SCHIP1: variants seen among roughly 807,000 people sequenced by gnomAD.
SCHIP1 encodes the protein schwannomin-interacting protein 1.
A neutral mutation model predicts 29.7 loss-of-function variants in SCHIP1; 8 were observed. The observed-to-expected ratio is 0.27, with a 90% CI of 0.16 to 0.49. The LOEUF (loss-of-function observed/expected upper bound fraction) is 0.49. Among genes scored for constraint, SCHIP1 ranks in the 20% least tolerant of loss-of-function variants. The pLI is 0.99. For synonymous variants in SCHIP1, 76 were observed against 94.9 expected (o/e 0.80, Z 1.16); for missense variants, 193 against 294.6 (o/e 0.66, Z 2.52).
At chr3:159,637,912 G>A in the SCHIP1 span, among the ~76,000 whole-genome samples, 1 of 152,152 alleles carries the variant, frequency 6.6e-6, no homozygotes, top group Non-Finnish European at 1.5e-5. Flanking sequence ...AATTAAGACT[G>A]AAATGTGCTA....
chr3:159,500,251 C>T, the SCHIP1 span, among the ~76,000 whole-genome samples: 1 of 152,008 alleles, frequency 6.6e-6, no homozygotes, highest in South Asian at 2.1e-4. Context: ...ACACTGTTTT[C>T]CCCTGAATAC....
chr3:159,569,206 T>C, the SCHIP1 span, among the ~76,000 whole-genome samples: 2 of 152,124 alleles, frequency 1.3e-5, no homozygotes, highest in African/African-American at 2.4e-5. Flanking sequence ...CTAGGGTACA[T>C]GTGCACAATG....
At chr3:159,336,781 C>T in the SCHIP1 span, among the ~76,000 whole-genome samples, 162 of 152,256 alleles carry the variant, frequency 1.1e-3, no homozygotes, top group Non-Finnish European at 1.8e-3. Flanking sequence ...TAATGTGATG[C>T]CTCCAGCTTT....
At chr3:159,772,486 T>C in the SCHIP1 span, among the ~76,000 whole-genome samples, 1 of 152,164 alleles carries the variant, frequency 6.6e-6, no homozygotes. Context: ...TTCTTATGGG[T>C]ATGTCTCTTA....
At chr3:159,775,664 G>A in the SCHIP1 span, among the ~76,000 whole-genome samples, 1 of 152,170 alleles carries the variant, frequency 6.6e-6, no homozygotes, top group Admixed American at 6.5e-5. Context: ...GAGAGATGAG[G>A]GCAGGCACTC....
At chr3:159,876,283 G>C (rs1715798247) in intron 2 of SCHIP1, among the ~76,000 whole-genome samples, 1 of 152,134 alleles carries the variant, frequency 6.6e-6, no homozygotes, top group South Asian at 2.1e-4. Context: ...ACATGTTTCG[G>C]GTCTGTTCAC....
chr3:159,853,370 G>A (rs1418082964), intron 1 of SCHIP1: 1 of 688,600 alleles, frequency 1.5e-6, no homozygotes, highest in South Asian at 1.5e-5. Flanking sequence ...AAATTCTAAA[G>A]AGTTAAAGGA....
chr3:159,277,841 C>G, the SCHIP1 span, among the ~76,000 whole-genome samples: 2 of 151,726 alleles, frequency 1.3e-5, no homozygotes, highest in African/African-American at 4.8e-5. Flanking sequence ...CTTGAACCCA[C>G]TGGGTGGAGG....
the SCHIP1 span, among the ~76,000 whole-genome samples, chr3:159,770,662 A>G: frequency 3.3e-5 from 5 of 152,332 alleles, no homozygotes; most frequent in East Asian, 7.7e-4. Flanking sequence ...CCTGTCTTCC[A>G]AGGAAGTACT....
the SCHIP1 span, among the ~76,000 whole-genome samples, chr3:159,683,223 A>G: frequency 0.031 from 4,656 of 151,910 alleles, 112 homozygotes; most frequent in African/African-American, 0.058. Context: ...ACTCATTTTT[A>G]TATTTTTTAG....
chr3:159,277,034 C>A, the SCHIP1 span, among the ~76,000 whole-genome samples: 2 of 152,144 alleles, frequency 1.3e-5, no homozygotes, highest in African/African-American at 4.8e-5. Flanking sequence ...ATTAATAAGA[C>A]CCATCTTGAT....
the SCHIP1 span, among the ~76,000 whole-genome samples, chr3:159,515,372 A>C: frequency 6.6e-6 from 1 of 152,132 alleles, no homozygotes; most frequent in Non-Finnish European, 1.5e-5. Context: ...TAAAGGAAGA[A>C]AGGAGTCATG....
chr3:159,553,812 G>GT, the SCHIP1 span, among the ~76,000 whole-genome samples: 2,326 of 151,824 alleles, frequency 0.015, 101 homozygotes, highest in East Asian at 0.17. Context: ...TTGGTTTTTT[G>GT]TTTTTTGAGA....
the SCHIP1 span, among the ~76,000 whole-genome samples, chr3:159,779,790 A>G: frequency 4.9e-4 from 75 of 152,182 alleles, no homozygotes; most frequent in African/African-American, 1.8e-3. Context: ...TGTGTTCAAT[A>G]TATTGTGGAT....
At chr3:159,743,910 T>C in the SCHIP1 span, among the ~76,000 whole-genome samples, 27 of 152,296 alleles carry the variant, frequency 1.8e-4, no homozygotes, top group African/African-American at 6.5e-4. Context: ...AAAAGTTTAA[T>C]TTAAAAAATA....
the SCHIP1 span, among the ~76,000 whole-genome samples, chr3:159,413,979 C>T: frequency 8.4e-3 from 1,279 of 152,306 alleles, 22 homozygotes; most frequent in African/African-American, 0.029. Context: ...CCAGTGGCCT[C>T]CTCTGAAAGC....
chr3:159,819,818 C>T, the SCHIP1 span, among the ~76,000 whole-genome samples: 2 of 152,214 alleles, frequency 1.3e-5, no homozygotes, highest in Non-Finnish European at 2.9e-5. Flanking sequence ...TAAGGGAAGC[C>T]ACCAGGTGGC....
the SCHIP1 span, among the ~76,000 whole-genome samples, chr3:159,527,558 A>T: frequency 2.0e-5 from 3 of 152,220 alleles, no homozygotes; most frequent in Admixed American, 6.5e-5. Context: ...TCATTACTGC[A>T]TGCTCTTTGG....
chr3:159,606,285 T>G, the SCHIP1 span, among the ~76,000 whole-genome samples: 16 of 152,218 alleles, frequency 1.1e-4, no homozygotes, highest in Middle Eastern at 6.8e-3. Flanking sequence ...AGAAGGATCA[T>G]TTTCACCTCA....
Sources: allele counts gnomAD v4.1 joint callset (sites outside exome capture counted in the v4.1 genomes callset), GRCh38; gene constraint gnomAD v4.1.1; transcripts MANE v1.5; gene names NCBI Gene and HGNC (gene_info 2026-07-23, HGNC 2026-07-21).